The following EHMT1 variants were observed in gnomAD, a reference collection of about 807,000 sequenced individuals.
EHMT1 encodes euchromatic histone lysine methyltransferase 1.
Under a neutral mutation model 147.2 loss-of-function variants are expected in EHMT1, and 15 were observed. That is an observed-to-expected ratio of 0.10 (90% CI 0.07 to 0.16). EHMT1 has a LOEUF of 0.16. Among genes scored for constraint, EHMT1 ranks in the 10% least tolerant of loss-of-function variants. EHMT1 has a pLI of 1.00. For missense variants in EHMT1, 1,587 were observed against 1,772.4 expected, an observed-to-expected ratio of 0.90 and a Z score of 1.88; for synonymous variants, 795 against 709.6, an observed-to-expected ratio of 1.12 and a Z score of -1.91.
chr9:137,686,592 G>A (rs1942453717), intron 1 of EHMT1, among the ~76,000 whole-genome samples: 1 of 152,030 alleles, frequency 6.6e-6, no homozygotes, highest in African/African-American at 2.4e-5. Context: ...GGTTTGCCAT[G>A]TTGCCCATGC....
chr9:137,712,066 GC>G (rs1554843820), intron 2 of EHMT1, among the ~76,000 whole-genome samples: 1 of 152,178 alleles, frequency 6.6e-6, no homozygotes, highest in Non-Finnish European at 1.5e-5. Context: ...CTCCAGGGTT[GC>G]CCCCACCTCC....
intron 4 of EHMT1, among the ~76,000 whole-genome samples, chr9:137,729,700 C>T (rs781430858): frequency 4.6e-5 from 7 of 152,150 alleles, no homozygotes; most frequent in Non-Finnish European, 8.8e-5. Flanking sequence ...GGCACAATCT[C>T]GCCCCCGGCC....
intron 23 of EHMT1, chr9:137,817,090 C>G: frequency 2.8e-6 from 1 of 357,510 alleles, no homozygotes; most frequent in Admixed American, 3.9e-5. Flanking sequence ...GTCACCACAG[C>G]CTGGTCCAGC....
intron 16 of EHMT1, chr9:137,795,284 A>G (rs1952812411): frequency 6.6e-6 from 1 of 152,148 alleles, no homozygotes; most frequent in Non-Finnish European, 1.5e-5. Flanking sequence ...TACAAACAAG[A>G]TAAATATTTA....
In EHMT1 at chr9:137,641,593, G is replaced by A. The variant is rs575791830; in HGVS notation, c.21+22544G>A. On this transcript the variant is annotated intron_variant, in intron 1 of 26. Coordinates refer to ENST00000460843, the MANE Select transcript of EHMT1 (RefSeq NM_024757.5). ...TTGTCTATGTTCGCTCTCCCAGTCC[G>A]CTTGCCGCTCACTTGCTAAGCCTGT... is the stretch of plus-strand genomic sequence containing the variant. 6.0e-4 allele frequency: 165 copies of A among 277,120 alleles called. 3 individuals are homozygous for A. The highest frequency in any genetic ancestry group is 5.2e-3 in the South Asian group (157 of 30,222). The allele number at this position is 277,120 out of a possible 1,614,324, so 17.2% of individuals were successfully genotyped here.
chr9:137,696,969 A>G (rs748197001), intron 1 of EHMT1, among the ~76,000 whole-genome samples: 2 of 152,196 alleles, frequency 1.3e-5, no homozygotes, highest in South Asian at 4.1e-4. Context: ...AGAGCAGACC[A>G]CAGAGCTGGC....
At chr9:137,690,353 G>C (rs1942829311) in intron 1 of EHMT1, among the ~76,000 whole-genome samples, 1 of 151,942 alleles carries the variant, frequency 6.6e-6, no homozygotes, top group African/African-American at 2.4e-5. Context: ...ATAATAATCA[G>C]ACAGCAGGAG....
At chr9:137,656,805 A>T (rs1435170617) in intron 1 of EHMT1, among the ~76,000 whole-genome samples, 2 of 151,940 alleles carry the variant, frequency 1.3e-5, no homozygotes, top group Non-Finnish European at 2.9e-5. Context: ...CAATGGTGCC[A>T]TCTTGGCTCA....
intron 2 of EHMT1, among the ~76,000 whole-genome samples, chr9:137,714,105 C>G (rs1193481953): frequency 6.6e-6 from 1 of 152,148 alleles, no homozygotes; most frequent in African/African-American, 2.4e-5. Flanking sequence ...TGGTTTCTTC[C>G]ATTCCAATCT....
At chr9:137,689,840 G>A (rs1437002085) in intron 1 of EHMT1, among the ~76,000 whole-genome samples, 1 of 152,244 alleles carries the variant, frequency 6.6e-6, no homozygotes, top group Non-Finnish European at 1.5e-5. Flanking sequence ...GGGGCTCCAG[G>A]TGGGAATGAC....
At chr9:137,643,199 C>T (rs190124680) in intron 1 of EHMT1, among the ~76,000 whole-genome samples, 1 of 151,578 alleles carries the variant, frequency 6.6e-6, no homozygotes, top group African/African-American at 2.4e-5. Context: ...GCTCTCTATT[C>T]ATGTGGGCTT....
At chr9:137,625,806 C>T (rs577979418) in intron 1 of EHMT1, among the ~76,000 whole-genome samples, 7 of 151,518 alleles carry the variant, frequency 4.6e-5, no homozygotes, top group East Asian at 3.9e-4. Flanking sequence ...TTTTTTTAAT[C>T]GAATTTTTAA....
chr9:137,694,176 C>T (rs1471224323), intron 1 of EHMT1, among the ~76,000 whole-genome samples: 1 of 126,374 alleles, frequency 7.9e-6, no homozygotes, highest in Non-Finnish European at 1.6e-5. Context: ...AGGACGCTGG[C>T]CGATACCCAC....
At chr9:137,781,359 C>CGTGTGGTGATGACGCTGGGAT (rs1235325744) in intron 14 of EHMT1, among the ~76,000 whole-genome samples, 4,206 of 118,082 alleles carry the variant, frequency 0.036, 197 homozygotes, top group African/African-American at 0.13. Flanking sequence ...GACGCTGAGA[C>CGTGTGGTGATGACGCTGGGAT]GTGTGGTGAT....
intron 19 of EHMT1, among the ~76,000 whole-genome samples, chr9:137,812,303 C>T (rs1297056530): frequency 6.6e-6 from 1 of 152,224 alleles, no homozygotes; most frequent in Non-Finnish European, 1.5e-5. Context: ...TGCGACGCTA[C>T]ACTCCAACCT....
chr9:137,675,199 A>G (rs899427151), intron 1 of EHMT1: 4 of 152,214 alleles, frequency 2.6e-5, no homozygotes, highest in Non-Finnish European at 5.9e-5. Flanking sequence ...CTGAATTTTT[A>G]AAGAAGATGA....
Position 137,673,565 on chromosome 9 carries a change from T to C in EHMT1, c.22-37402T>C, listed in dbSNP as rs566742199. Among the ~76,000 whole-genome samples, 5 of 151,878 alleles carry C rather than the reference T, an allele frequency of 3.3e-5. No individual in the cohort carries two copies. In the South Asian group the frequency reaches 8.3e-4, roughly 25 times the overall value. On this transcript the variant is annotated intron_variant, in intron 1 of 26. Coordinates refer to ENST00000460843, the MANE Select transcript of EHMT1 (RefSeq NM_024757.5). ...GGATGTGCCAGGGAGTGTGTGGAGG[T>C]CATGTCTGTGTCCCTCCCTCAGACC...
intron 18 of EHMT1, among the ~76,000 whole-genome samples, chr9:137,810,201 CGTCGGTG>C (rs1954330026): frequency 9.5e-6 from 1 of 105,596 alleles, no homozygotes; most frequent in Admixed American, 8.5e-5. Context: ...CCGTGTGGAC[CGTCGGTG>C]ATGGGTCCGG....
At chr9:137,780,853 C>T (rs867489375) in intron 14 of EHMT1, among the ~76,000 whole-genome samples, 251 of 61,628 alleles carry the variant, frequency 4.1e-3, no homozygotes, top group Non-Finnish European at 5.0e-3. Context: ...GTGATGACGC[C>T]GAGACGTGTG....
Sources: allele counts gnomAD v4.1 joint callset (sites outside exome capture counted in the v4.1 genomes callset), GRCh38; gene constraint gnomAD v4.1.1; transcripts MANE v1.5; gene names NCBI Gene and HGNC (gene_info 2026-07-23, HGNC 2026-07-21).